Variants in TECRL observed in about 807,000 individuals in gnomAD.
The protein encoded by TECRL is trans-2,3-enoyl-CoA reductase-like.
TECRL carries 63 observed loss-of-function variants against 52.8 expected under a neutral mutation model. That is an observed-to-expected ratio of 1.19 (90% CI 0.97 to 1.47). TECRL has a LOEUF of 1.47. TECRL is among the 40% of genes most tolerant of loss of function. TECRL has a pLI of 0.00. For missense variants in TECRL, 482 were observed against 429.6 expected, an observed-to-expected ratio of 1.12 and a Z score of -1.08; for synonymous variants, 164 against 141.9, an observed-to-expected ratio of 1.16 and a Z score of -1.10.
intron 5 of TECRL, among the ~76,000 whole-genome samples, chr4:64,313,493 T>A: frequency 6.9e-6 from 1 of 145,066 alleles, no homozygotes; most frequent in Admixed American, 6.9e-5. Context: ...TTTTTTTTTT[T>A]TTTTTTGAGA....
intron 1 of TECRL, among the ~76,000 whole-genome samples, chr4:64,403,128 T>C (rs1483864444): frequency 2.6e-5 from 4 of 152,194 alleles, no homozygotes; most frequent in Non-Finnish European, 2.9e-5. Context: ...CTTCTCTTTA[T>C]TTAAAACACA....
At chr4:64,394,194 A>T (rs1723754375) in intron 1 of TECRL, among the ~76,000 whole-genome samples, 2 of 152,288 alleles carry the variant, frequency 1.3e-5, no homozygotes, top group African/African-American at 4.8e-5. Context: ...ATGACCTGCT[A>T]TGTATAGTGA....
intron 1 of TECRL, among the ~76,000 whole-genome samples, chr4:64,401,699 C>A (rs796805177): frequency 2.6e-5 from 4 of 152,268 alleles, no homozygotes; most frequent in African/African-American, 9.6e-5. Flanking sequence ...ACAAAGCAGG[C>A]ATAGCTCTCT....
chr4:64,367,672 C>T lies in TECRL; in HGVS notation c.286+7500G>A, dbSNP rs527604228. ...ATTTTTTGTTACCAAATAATAATGA[C>T]CTTCAAAATCATAATGATCTTTTGT... On this transcript the variant is annotated intron_variant, in intron 2 of 11. Transcript: ENST00000381210. Among the ~76,000 whole-genome samples, 395 of 151,780 alleles carry T rather than the reference C, an allele frequency of 2.6e-3. 2 individuals carry two copies. Among genetic ancestry groups the T allele is most frequent in the African/African-American group, 9.1e-3 (375 of 41,416 alleles).
chr4:64,367,871 G>A (rs6846577), intron 2 of TECRL, among the ~76,000 whole-genome samples: 34,959 of 151,928 alleles, frequency 0.23, 4,175 homozygotes, highest in Middle Eastern at 0.3. Flanking sequence ...CACGGAAGAT[G>A]CTGATGTATC....
chr4:64,324,257 CACTT>C (rs1373789650), intron 3 of TECRL, among the ~76,000 whole-genome samples: 1 of 151,846 alleles, frequency 6.6e-6, no homozygotes, highest in Non-Finnish European at 1.5e-5. Flanking sequence ...ATTTGAAAAA[CACTT>C]AAATGTTATT....
intron 7 of TECRL, among the ~76,000 whole-genome samples, chr4:64,304,224 T>C (rs1237068237): frequency 6.6e-6 from 1 of 151,934 alleles, no homozygotes; most frequent in Non-Finnish European, 1.5e-5. Context: ...GTACATCTTA[T>C]AAAATATTTG....
Position 64,341,127 on chromosome 4 carries a change from G to A in TECRL, c.287-12571C>T, listed in dbSNP as rs150844016. On this transcript the variant is annotated intron_variant, in intron 2 of 11. Transcript: ENST00000381210. ...CTGCTAAGAGCTGAACACTTGTTGG[G>A]AGACCCTGGTGGCAGAAAGGAGCTT... Among the ~76,000 whole-genome samples, 365 of 152,252 alleles carry A rather than the reference G, an allele frequency of 2.4e-3. 1 individual carries two copies. Among genetic ancestry groups the A allele is most frequent in the Admixed American group, 6.3e-3 (96 of 15,298 alleles).
At chr4:64,291,473 A>T (rs1723385066) in intron 8 of TECRL, among the ~76,000 whole-genome samples, 1 of 151,994 alleles carries the variant, frequency 6.6e-6, no homozygotes, top group Non-Finnish European at 1.5e-5. Context: ...CCAAACACAA[A>T]AATAGAAAAT....
intron 2 of TECRL, among the ~76,000 whole-genome samples, chr4:64,342,843 T>C (rs1719684318): frequency 1.3e-5 from 2 of 152,160 alleles, no homozygotes; most frequent in African/African-American, 2.4e-5. Flanking sequence ...GTCTTTTGTA[T>C]AGGTGGAAGC....
intron 1 of TECRL, among the ~76,000 whole-genome samples, chr4:64,377,648 G>T (rs139795923): frequency 0.013 from 1,913 of 152,006 alleles, 47 homozygotes; most frequent in African/African-American, 0.043. Flanking sequence ...GTTAAACCAA[G>T]AATTTACTTC....
intron 1 of TECRL, among the ~76,000 whole-genome samples, chr4:64,384,485 G>C (rs1431143290): frequency 6.6e-6 from 1 of 152,106 alleles, no homozygotes; most frequent in Non-Finnish European, 1.5e-5. Flanking sequence ...TGCAGGCACT[G>C]GTGGTGACAG....
intron 1 of TECRL, among the ~76,000 whole-genome samples, chr4:64,405,403 G>C (rs965113706): frequency 3.9e-5 from 6 of 152,088 alleles, no homozygotes; most frequent in African/African-American, 1.4e-4. Flanking sequence ...GATTGTATGT[G>C]AGGTGTCAGA....
intron 2 of TECRL, among the ~76,000 whole-genome samples, chr4:64,338,163 C>T (rs557788363): frequency 6.6e-6 from 1 of 151,948 alleles, no homozygotes; most frequent in Admixed American, 6.6e-5. Context: ...ACAAACCTGA[C>T]AAAAACAAGA....
chr4:64,311,166 T>TAGG (rs1716974092), intron 5 of TECRL, among the ~76,000 whole-genome samples: 1 of 152,314 alleles, frequency 6.6e-6, no homozygotes, highest in African/African-American at 2.4e-5. Flanking sequence ...AGGGTGACTT[T>TAGG]AGGAAAAACA....
chr4:64,314,538 C>A (rs1019748327), intron 5 of TECRL, 110 bp downstream of exon 5: 121 of 793,878 alleles, frequency 1.5e-4, no homozygotes, highest in Admixed American at 2.5e-4. Context: ...TTAGTAACAA[C>A]CTTTATTAAT....
intron 2 of TECRL, among the ~76,000 whole-genome samples, chr4:64,353,697 A>G (rs1315732095): frequency 6.6e-6 from 1 of 152,190 alleles, no homozygotes; most frequent in East Asian, 1.9e-4. Flanking sequence ...AGATTAATGT[A>G]CAGTGGAAAG....
At chr4:64,347,626 A>T (rs1267636942) in intron 2 of TECRL, among the ~76,000 whole-genome samples, 1 of 152,152 alleles carries the variant, frequency 6.6e-6, no homozygotes, top group Admixed American at 6.5e-5. Context: ...AGGAGAGAGA[A>T]AAATAAAGCA....
intron 6 of TECRL, among the ~76,000 whole-genome samples, chr4:64,305,791 C>T (rs1030924588): frequency 6.6e-6 from 1 of 152,142 alleles, no homozygotes; most frequent in African/African-American, 2.4e-5. Flanking sequence ...ATGCAACACC[C>T]CCAGGGGGAA....
Sources: allele counts gnomAD v4.1 joint callset (sites outside exome capture counted in the v4.1 genomes callset), GRCh38; gene constraint gnomAD v4.1.1; transcripts MANE v1.5; gene names NCBI Gene and HGNC (gene_info 2026-07-23, HGNC 2026-07-21).